TENM3: variants seen among roughly 807,000 people sequenced by gnomAD.
TENM3 encodes the protein teneurin-3.
A neutral mutation model predicts 255.1 loss-of-function variants in TENM3; 63 were observed. The observed-to-expected ratio is 0.25, with a 90% CI of 0.20 to 0.30. The LOEUF (loss-of-function observed/expected upper bound fraction) is 0.30, where lower values mean the gene tolerates loss of function less well. Among genes scored for constraint, TENM3 ranks in the 10% least tolerant of loss-of-function variants. The pLI, the probability that TENM3 is intolerant of heterozygous loss-of-function variation, is 1.00. For missense variants in TENM3, 2,929 were observed against 3,461.1 expected (o/e 0.85, Z 3.86); for synonymous variants, 1,306 against 1,322.3 (o/e 0.99, Z 0.27).
intron 3 of TENM3, among the ~76,000 whole-genome samples, chr4:182,552,244 T>C (rs764527136): frequency 6.6e-6 from 1 of 152,078 alleles, no homozygotes; most frequent in Non-Finnish European, 1.5e-5. Flanking sequence ...AAGACTAGCC[T>C]GGGCAACGTA....
rs1256547960 is a variant in TENM3 at position 182,780,273 on chromosome 4, T to C, written c.5304+5120T>C. On this transcript the variant is annotated intron_variant, in intron 24 of 27. Transcript: ENST00000511685. ...GGATCCAGTTTCAGCTTTCTACATA[T>C]GGCTAGCCAGTTTTCCCAGCACCAT... Among the ~76,000 whole-genome samples the C allele has an allele frequency of 5.5e-5, 8 of 144,744 alleles. No homozygotes were observed. In the Admixed American group the frequency reaches 5.6e-4, roughly 10 times the overall value. The allele number at this position is 144,744 out of a possible 152,430, so 95.0% of individuals were successfully genotyped here. A position where few individuals can be genotyped will look rare whatever the true frequency, so the allele number is the denominator to read the frequency against.
intron 3 of TENM3, among the ~76,000 whole-genome samples, chr4:182,535,854 A>G (rs955317136): frequency 6.6e-6 from 1 of 152,174 alleles, no homozygotes; most frequent in African/African-American, 2.4e-5. Context: ...GATTAGTGTG[A>G]GAATTAAATG....
rs1561153163 is a variant in TENM3 at position 182,161,758 on chromosome 4, C to CACAA, written c.-76+17005_-76+17006insCAAA. 6.2e-5 allele frequency among the ~76,000 whole-genome samples: 3 copies of CACAA among 48,526 alleles called. 1 individual carries two copies. Among genetic ancestry groups the CACAA allele is most frequent in the Non-Finnish European group, 1.2e-4 (3 of 25,392 alleles). 31.8% of individuals were successfully genotyped at this position (48,526 alleles called of 152,430 possible). ...ACACAAATATATGTGTATATATATA[C>CACAA]ATATATATGTGTATATATATATACA... On this transcript the variant is annotated intron_variant, in intron 1 of 2. Coordinates refer to the TENM3 transcript ENST00000512480.
chr4:182,458,671 G>C (rs1362641298), intron 3 of TENM3, among the ~76,000 whole-genome samples: 2 of 152,116 alleles, frequency 1.3e-5, no homozygotes, highest in African/African-American at 2.4e-5. Flanking sequence ...AAATAAAATA[G>C]ATACTAAATG....
At chr4:182,156,441 G>A (rs978365676) in intron 1 of TENM3, among the ~76,000 whole-genome samples, 12 of 152,088 alleles carry the variant, frequency 7.9e-5, no homozygotes, top group South Asian at 4.1e-4. Context: ...TTTGGGGTAC[G>A]GATGATCTCG....
chr4:182,389,774 C>T (rs531397569), intron 3 of TENM3, among the ~76,000 whole-genome samples: 4 of 147,412 alleles, frequency 2.7e-5, no homozygotes, highest in African/African-American at 1.0e-4. Context: ...CAAGCTCCGC[C>T]TCCCGGGTTC....
At chr4:182,655,099 A>C (rs1376575428) in intron 6 of TENM3, among the ~76,000 whole-genome samples, 1 of 152,228 alleles carries the variant, frequency 6.6e-6, no homozygotes, top group Non-Finnish European at 1.5e-5. Flanking sequence ...TAGATTGGGA[A>C]ATTTTAATTA....
chr4:182,002,354 G>A, the TENM3 span, among the ~76,000 whole-genome samples: 17 of 152,100 alleles, frequency 1.1e-4, no homozygotes, highest in South Asian at 3.1e-3. Flanking sequence ...CTCCCTTTAG[G>A]TGATTGTCAG....
At chr4:182,163,937 A>G (rs1424605293) in intron 1 of TENM3, among the ~76,000 whole-genome samples, 1 of 152,164 alleles carries the variant, frequency 6.6e-6, no homozygotes, top group East Asian at 1.9e-4. Flanking sequence ...TTGCAATGTC[A>G]TAGATTCCCA....
intron 1 of TENM3, among the ~76,000 whole-genome samples, chr4:182,271,276 C>T (rs1759603637): frequency 6.6e-6 from 1 of 152,156 alleles, no homozygotes; most frequent in African/African-American, 2.4e-5. Context: ...CCACCCCCTT[C>T]CTAAGTGCGG....
chr4:181,927,566 A>C, the TENM3 span, among the ~76,000 whole-genome samples: 1 of 152,190 alleles, frequency 6.6e-6, no homozygotes, highest in South Asian at 2.1e-4. Context: ...GGGACAGAGC[A>C]CCTGGGGGAA....
the TENM3 span, among the ~76,000 whole-genome samples, chr4:182,078,396 C>T: frequency 6.6e-6 from 1 of 152,062 alleles, no homozygotes; most frequent in African/African-American, 2.4e-5. Flanking sequence ...GTGGTGTGCA[C>T]CTTTAGTCCC....
chr4:182,270,223 C>T (rs1759525915), intron 1 of TENM3, among the ~76,000 whole-genome samples: 1 of 152,148 alleles, frequency 6.6e-6, no homozygotes, highest in African/African-American at 2.4e-5. Context: ...TAGTTAATCT[C>T]TCTTAGATCC....
intron 3 of TENM3, among the ~76,000 whole-genome samples, chr4:182,451,560 T>C (rs1773464034): frequency 6.6e-6 from 1 of 152,188 alleles, no homozygotes; most frequent in African/African-American, 2.4e-5. Flanking sequence ...ACTGTCTAAA[T>C]ACAGTGATCC....
intron 5 of TENM3, among the ~76,000 whole-genome samples, chr4:182,647,276 G>A (rs1027643402): frequency 6.6e-6 from 1 of 152,170 alleles, no homozygotes; most frequent in East Asian, 1.9e-4. Context: ...ACATTTTTAA[G>A]TGTATAGCTC....
At chr4:181,960,576 G>A in the TENM3 span, among the ~76,000 whole-genome samples, 1 of 152,096 alleles carries the variant, frequency 6.6e-6, no homozygotes, top group Non-Finnish European at 1.5e-5. Flanking sequence ...CTTGAAGTAG[G>A]CTCTGAATCA....
chr4:182,744,360 T>C (rs957845115), intron 19 of TENM3, among the ~76,000 whole-genome samples: 5 of 152,216 alleles, frequency 3.3e-5, no homozygotes, highest in Non-Finnish European at 7.4e-5. Context: ...GTGATATAAT[T>C]TGAGAAATCT....
intron 1 of TENM3, among the ~76,000 whole-genome samples, chr4:182,284,439 A>G (rs1760600271): frequency 6.6e-6 from 1 of 152,210 alleles, no homozygotes; most frequent in South Asian, 2.1e-4. Flanking sequence ...TTTTAAATCT[A>G]TCTGCGGATC....
intron 3 of TENM3, among the ~76,000 whole-genome samples, chr4:182,436,598 C>T (rs1054111656): frequency 5.9e-4 from 90 of 152,268 alleles, no homozygotes; most frequent in African/African-American, 1.9e-3. Flanking sequence ...TGTACACCTT[C>T]GGTAGGAAGA....
Sources: allele counts gnomAD v4.1 joint callset (sites outside exome capture counted in the v4.1 genomes callset), GRCh38; gene constraint gnomAD v4.1.1; transcripts MANE v1.5; gene names NCBI Gene and HGNC (gene_info 2026-07-23, HGNC 2026-07-21).